The following VTI1B variants were observed in gnomAD, a reference collection of about 807,000 sequenced individuals.
VTI1B encodes the protein vesicle transport through interaction with t-SNAREs 1B, also known as vesicle transport through interaction with t-SNAREs homolog 1B.
Under a neutral mutation model 28.6 loss-of-function variants are expected in VTI1B, and 18 were observed. The observed-to-expected ratio is 0.63, with a 90% CI of 0.43 to 0.93. The LOEUF is 0.93. VTI1B is among the 40% of genes least tolerant of loss of function. The probability of loss-of-function intolerance (pLI) is 0.00; values close to 1 mark genes in which losing one functional copy is unlikely to be tolerated. For synonymous variants in VTI1B, 100 were observed against 107.9 expected, an observed-to-expected ratio of 0.93 and a Z score of 0.46; for missense variants, 283 against 297.0, an observed-to-expected ratio of 0.95 and a Z score of 0.35.
chr14:67,650,629 G>A lies in VTI1B; in HGVS notation c.*756C>T. 1.6e-6 allele frequency: 2 copies of A among 1,275,648 alleles called. No individual in the cohort carries two copies. Among genetic ancestry groups the A allele is most frequent in the Admixed American group, 3.5e-5 (2 of 57,400 alleles). The allele number at this position is 1,275,648 out of a possible 1,614,324, so 79.0% of individuals were successfully genotyped here. The stretch of plus-strand genomic sequence containing the variant: ...AAAATGGACTCTTGTTTTTACTTTG[G>A]CTTGTTCTCCCTGTCCCAGTGGGAT... On this transcript the variant is annotated 3_prime_UTR_variant, in exon 6 of 6. Coordinates refer to ENST00000554659, the MANE Select transcript of VTI1B (RefSeq NM_006370.3).
At position 67,649,562 on chromosome 14, in the gene VTI1B, A is replaced by G. The variant is rs541677015; in HGVS notation, c.*1823T>C. ...TTGATGACCACTTCTGGGATATGCT[A>G]AAGGTGCAGGTTTAGTCAGTGGAAA... On this transcript the variant is annotated 3_prime_UTR_variant, in exon 6 of 6. Coordinates refer to ENST00000554659, the MANE Select transcript of VTI1B (RefSeq NM_006370.3). 1 of 152,296 alleles carries G rather than the reference A, an allele frequency of 6.6e-6. No individual in the cohort carries two copies. Among genetic ancestry groups the G allele is most frequent in the East Asian group, 1.9e-4 (1 of 5,190 alleles). The allele number at this position is 152,296 out of a possible 1,614,324, so 9.4% of individuals were successfully genotyped here. A position where few individuals can be genotyped will look rare whatever the true frequency, so the allele number is the denominator to read the frequency against.
At chr14:67,672,689 C>A (rs151164215) in intron 1 of VTI1B, among the ~76,000 whole-genome samples, 1 of 146,920 alleles carries the variant, frequency 6.8e-6, no homozygotes. Flanking sequence ...GTGATCCGCC[C>A]GCCTCGGCTT....
chr14:67,656,690 G>C, intron 3 of VTI1B, 101 bp from the exon 4 acceptor site: 2 of 1,285,882 alleles, frequency 1.6e-6, no homozygotes, highest in Non-Finnish European at 2.1e-6. Flanking sequence ...GATATAGTGA[G>C]CAATAATTTT....
Position 67,656,458 on chromosome 14 carries a change from C to T in VTI1B, c.498G>A (p.Glu166=). Residue 166 remains glutamate, a synonymous_variant, in exon 4 of 6, where the codon GAG becomes GAA. Transcript: ENST00000554659. ...CTAACTGGTCTCGTTGTTCCCCCAG[C>T]TCTTCTATGATTTCTGAGCCAATCT... ...TDQIGSEIIE[E]LGEQRDQLER... 6.2e-7 allele frequency: 1 copy of T among 1,613,670 alleles called. No individual in the cohort carries two copies. The highest frequency in any genetic ancestry group is 1.7e-5 in the Admixed American group (1 of 59,974).
intron 3 of VTI1B, among the ~76,000 whole-genome samples, chr14:67,658,193 G>C (rs532743515): frequency 1.3e-5 from 2 of 150,248 alleles, no homozygotes; most frequent in South Asian, 4.6e-4. Context: ...TTTCAACTGA[G>C]TAGGCTAAAA....
At chr14:67,672,732 C>T (rs2037483666) in intron 1 of VTI1B, among the ~76,000 whole-genome samples, 1 of 152,092 alleles carries the variant, frequency 6.6e-6, no homozygotes, top group African/African-American at 2.4e-5. Context: ...TGTGAGCCAC[C>T]GTACCCTGCC....
At chr14:67,655,028 C>CA (rs34482334) in intron 4 of VTI1B, among the ~76,000 whole-genome samples, 23,550 of 43,324 alleles carry the variant, frequency 0.54, 6,857 homozygotes, top group East Asian at 0.63. Context: ...GACTCCATCT[C>CA]AAAAAAAAAA....
At chr14:67,671,129 T>C (rs1386105977) in intron 1 of VTI1B, among the ~76,000 whole-genome samples, 1 of 152,202 alleles carries the variant, frequency 6.6e-6, no homozygotes, top group Non-Finnish European at 1.5e-5. Flanking sequence ...GTGAATGAGG[T>C]AGTGAATAAG....
rs1380099134 is a variant in VTI1B at position 67,648,331 on chromosome 14, C to G, written c.*3054G>C. 2.1e-5 allele frequency: 18 copies of G among 852,676 alleles called. No homozygotes were observed. Among genetic ancestry groups the G allele is most frequent in the Admixed American group, 6.3e-5 (2 of 31,840 alleles). 52.8% of individuals were successfully genotyped at this position (852,676 alleles called of 1,614,324 possible). A position where few individuals can be genotyped will look rare whatever the true frequency, so the allele number is the denominator to read the frequency against. ...TGTAGCTAAAAATTATATGGCCATG[C>G]TAATAAAAAGGATATAGTCCTTTAG... is the stretch of plus-strand genomic sequence containing the variant. On this transcript the variant is annotated 3_prime_UTR_variant, in exon 6 of 6. Coordinates refer to ENST00000554659, the MANE Select transcript of VTI1B (RefSeq NM_006370.3).
At chr14:67,672,774 T>G (rs2037484308) in intron 1 of VTI1B, among the ~76,000 whole-genome samples, 1 of 152,068 alleles carries the variant, frequency 6.6e-6, no homozygotes, top group Non-Finnish European at 1.5e-5. Context: ...ATAAATCAGA[T>G]CCCACAATGC....
At chr14:67,664,607 T>A (rs1392113161) in intron 1 of VTI1B, among the ~76,000 whole-genome samples, 1 of 151,322 alleles carries the variant, frequency 6.6e-6, no homozygotes, top group Non-Finnish European at 1.5e-5. Flanking sequence ...AGCGATTCTC[T>A]TGCCTCAGCC....
chr14:67,652,937 C>T (rs1361572743), intron 5 of VTI1B, among the ~76,000 whole-genome samples: 1 of 152,090 alleles, frequency 6.6e-6, no homozygotes, highest in Non-Finnish European at 1.5e-5. Flanking sequence ...ATTACAGTGC[C>T]CGCCACTACG....
intron 1 of VTI1B, among the ~76,000 whole-genome samples, chr14:67,670,940 A>C (rs756166885): frequency 7.6e-4 from 116 of 152,242 alleles, no homozygotes; most frequent in Non-Finnish European, 1.5e-3. Flanking sequence ...ACAGAGCATA[A>C]GCTACATGCA....
intron 1 of VTI1B, among the ~76,000 whole-genome samples, chr14:67,669,990 G>C (rs1013135824): frequency 1.3e-5 from 2 of 152,200 alleles, no homozygotes; most frequent in Non-Finnish European, 2.9e-5. Context: ...AGCTACTCGG[G>C]AGGCTGAGGT....
At chr14:67,663,041 G>A (rs2037359036) in intron 1 of VTI1B, 1 of 1,425,178 alleles carries the variant, frequency 7.0e-7, no homozygotes, top group East Asian at 2.6e-5. Flanking sequence ...GGCTTGCTGA[G>A]AGGCTGTCTG....
At chr14:67,656,627 C>T in intron 3 of VTI1B, 38 bp from the exon 4 acceptor site, 1 of 1,566,340 alleles carries the variant, frequency 6.4e-7, no homozygotes, top group Non-Finnish European at 8.7e-7. Context: ...AGACTTTTTC[C>T]ATTATAAATT....
intron 2 of VTI1B, among the ~76,000 whole-genome samples, chr14:67,662,191 C>CA (rs937980980): frequency 6.7e-6 from 1 of 149,798 alleles, no homozygotes; most frequent in African/African-American, 2.5e-5. Context: ...AAAAAAAAAA[C>CA]AACAGATTTT....
intron 4 of VTI1B, among the ~76,000 whole-genome samples, chr14:67,653,725 G>A (rs2037218439): frequency 6.6e-6 from 1 of 152,178 alleles, no homozygotes; most frequent in Admixed American, 6.5e-5. Context: ...GTTGCTGCTG[G>A]GGATGGACTC....
chr14:67,661,889 C>T (rs2037340104), intron 2 of VTI1B, among the ~76,000 whole-genome samples: 1 of 152,092 alleles, frequency 6.6e-6, no homozygotes, highest in South Asian at 2.1e-4. Context: ...GGCACGGTGG[C>T]TCATGCCTTG....
Sources: gnomAD v4.1 joint callset for allele counts (sites outside exome capture counted in the v4.1 genomes callset) on GRCh38, gnomAD v4.1.1 for gene constraint, MANE v1.5 for transcripts, NCBI Gene and HGNC (gene_info 2026-07-23, HGNC 2026-07-21) for gene names.